The following SARDH variants were observed in gnomAD, a reference collection of about 807,000 sequenced individuals.
SARDH encodes the protein sarcosine dehydrogenase, also known as sarcosine dehydrogenase, mitochondrial.
SARDH carries 95 observed loss-of-function variants against 109.1 expected under a neutral mutation model. That is an observed-to-expected ratio of 0.87 (90% CI 0.74 to 1.03). The LOEUF is 1.03. Among genes scored for constraint, SARDH ranks in the 50% least tolerant of loss-of-function variants. SARDH has a pLI of 0.00. For synonymous variants in SARDH, 572 were observed against 534.8 expected, an observed-to-expected ratio of 1.07 and a Z score of -0.96; for missense variants, 1,267 against 1,287.8, an observed-to-expected ratio of 0.98 and a Z score of 0.25.
chr9:133,699,074 C>T (rs1263559451), intron 13 of SARDH, among the ~76,000 whole-genome samples: 3 of 152,192 alleles, frequency 2.0e-5, no homozygotes, highest in South Asian at 2.1e-4. Context: ...CAGTCGGCTG[C>T]GGTGGCTCAT....
intron 19 of SARDH, among the ~76,000 whole-genome samples, chr9:133,669,944 A>G (rs969505349): frequency 6.6e-6 from 1 of 152,122 alleles, no homozygotes; most frequent in East Asian, 1.9e-4. Context: ...CTCTTTTGAG[A>G]CCTGCATGGG....
At chr9:133,664,967 C>G (rs957121530) in intron 20 of SARDH, among the ~76,000 whole-genome samples, 1 of 152,158 alleles carries the variant, frequency 6.6e-6, no homozygotes, top group Admixed American at 6.5e-5. Context: ...TTCCCCATCT[C>G]GGAGCCTTTC....
chr9:133,687,358 C>T (rs1211652423), intron 16 of SARDH, among the ~76,000 whole-genome samples: 2 of 152,224 alleles, frequency 1.3e-5, no homozygotes, highest in African/African-American at 4.8e-5. Context: ...GCAGCCTTGA[C>T]CTCCTGGGCT....
rs189571865 is a variant in SARDH, at chr9:133,700,877, C to T, written c.1668+2039G>A. Among the ~76,000 whole-genome samples the T allele has an allele frequency of 3.3e-5, 5 of 152,306 alleles. No homozygotes were observed. The South Asian group carries it at 1.0e-3, about 32-fold the overall frequency. ...CCCCTTCAGGGCTCAACATGCCCCC[C>T]ACTGCTGAGCAGAGGTGCCCACCTC... On this transcript the variant is annotated intron_variant, in intron 13 of 20. Transcript: ENST00000439388.
rs970012320 is a variant in SARDH at position 133,708,309 on chromosome 9, A to T, written c.1448T>A (p.Met483Lys). 6.2e-7 allele frequency: 1 copy of T among 1,613,110 alleles called. No homozygotes were observed. The highest frequency in any genetic ancestry group is 8.5e-7 in the Non-Finnish European group (1 of 1,179,632). ...PHDEPLAGRN[M>K]RRDPLHEELL... ...TACCTCGTGCAGCGGGTCTCTCCTCATGTTGCGCCCGGCCAGCGGCTCATC... is the reference window on the plus strand; with the variant it reads ...TACCTCGTGCAGCGGGTCTCTCCTCTTGTTGCGCCCGGCCAGCGGCTCATC... Residue 483 changes from methionine (M) to lysine (K), a missense_variant, in exon 11 of 21, where the codon ATG becomes AAG. Coordinates refer to ENST00000439388, the MANE Select transcript of SARDH (RefSeq NM_001134707.2).
At position 133,718,961 on chromosome 9, in the gene SARDH, C is replaced by A; in HGVS notation, c.997G>T (p.Ala333Ser). ...ACCTCCTCCCAAAAGATGGGGTTGG[C>A]CTCATAGCCACCCACAGACAAGGCA... is the stretch of plus-strand genomic sequence containing the variant. ...GDALSVGGYE[A>S]NPIFWEEVSD... Residue 333 changes from alanine to serine, a missense_variant, in exon 7 of 21, where the codon GCC (alanine) becomes TCC (serine). Transcript: ENST00000439388. This position sits in a 1 kb window ranked among gnomAD's most constrained non-coding sequence, Gnocchi z 4.2. 1 of 1,614,058 alleles carries A rather than the reference C, an allele frequency of 6.2e-7. No individual in the cohort carries two copies. Among genetic ancestry groups the A allele is most frequent in the Non-Finnish European group, 8.5e-7 (1 of 1,179,950 alleles).
intron 8 of SARDH, among the ~76,000 whole-genome samples, chr9:133,716,287 C>T (rs1832119693): frequency 2.0e-5 from 3 of 152,362 alleles, no homozygotes; most frequent in South Asian, 4.1e-4. Context: ...AGCGTGCCTG[C>T]CTCCACCACC....
In SARDH at chr9:133,690,364, C is replaced by A; in HGVS notation, c.2069+16G>T. Reference sequence around the variant, plus strand: ...CAGCAGGTGCACCCAGGGGCGGGCTCCCAGTCCTCTCTCACCTGGCTGGGC... The same window carrying A: ...CAGCAGGTGCACCCAGGGGCGGGCTACCAGTCCTCTCTCACCTGGCTGGGC... On this transcript the variant is annotated intron_variant, in intron 16 of 20. Coordinates refer to ENST00000439388, the MANE Select transcript of SARDH (RefSeq NM_001134707.2). 1 of 1,601,356 alleles carries A rather than the reference C, an allele frequency of 6.2e-7. No individual in the cohort carries two copies. The highest frequency in any genetic ancestry group is 8.5e-7 in the Non-Finnish European group (1 of 1,171,588).
chr9:133,685,309 TCAGTCAG>T lies in SARDH; in HGVS notation c.2070-30_2070-24del, dbSNP rs770969732. 4 of 1,607,834 alleles carry T rather than the reference TCAGTCAG, an allele frequency of 2.5e-6. No homozygotes were observed. The Admixed American group carries it at 6.7e-5, about 27-fold the overall frequency. On this transcript the variant is annotated intron_variant, in intron 16 of 20. Transcript: ENST00000439388. The stretch of plus-strand genomic sequence containing the variant: ...CGGCTGCAGGCAAGAGCAAAGTCGC[TCAGTCAG>T]CAAGTGCTCACGGGTGGGGCCTGGG...
At chr9:133,730,250 A>G (rs2131502363) in intron 4 of SARDH, 63 bp from the exon 5 acceptor site, 1 of 1,586,952 alleles carries the variant, frequency 6.3e-7, no homozygotes, top group Admixed American at 1.7e-5. Context: ...TTCCCACCCC[A>G]CTCCAACCAA....
intron 17 of SARDH, among the ~76,000 whole-genome samples, chr9:133,676,690 A>G (rs1308097887): frequency 1.3e-5 from 2 of 152,230 alleles, no homozygotes; most frequent in East Asian, 3.8e-4. Context: ...CAGAAGGTCA[A>G]GGAGATACCA....
intron 6 of SARDH, among the ~76,000 whole-genome samples, chr9:133,723,776 A>G (rs1832402711): frequency 6.6e-6 from 1 of 152,206 alleles, no homozygotes; most frequent in African/African-American, 2.4e-5. Flanking sequence ...AAAATAAAAT[A>G]AAATAAATAA....
chr9:133,696,439 G>A (rs1218447279), intron 13 of SARDH, 78 bp from the exon 14 acceptor site: 1 of 1,591,728 alleles, frequency 6.3e-7, no homozygotes. Context: ...GGAGAACGGG[G>A]GCTGTGTCCA....
rs990574235 is a variant in SARDH at position 133,728,014 on chromosome 9, G to A, written c.915+1751C>T. ...CTGAGACCTGAGCGTGACCCCTGGC[G>A]GCCACCTAGGGGAGGAGGCTCTCCC... On this transcript the variant is annotated intron_variant, in intron 6 of 20. Transcript: ENST00000439388. This position sits in a 1 kb window ranked among gnomAD's most constrained non-coding sequence, Gnocchi z 5.0. Among the ~76,000 whole-genome samples the A allele has an allele frequency of 2.0e-5, 3 of 151,994 alleles. No homozygotes were observed. Among genetic ancestry groups the A allele is most frequent in the Non-Finnish European group, 2.9e-5 (2 of 67,990 alleles).
intron 1 of SARDH, among the ~76,000 whole-genome samples, 156 bp downstream of exon 1, chr9:133,738,098 C>G (rs1489455667): frequency 6.6e-6 from 1 of 152,266 alleles, no homozygotes; most frequent in East Asian, 1.9e-4. Flanking sequence ...GGGGAGGCAG[C>G]TGCCCATATG....
intron 12 of SARDH, chr9:133,703,321 AGGTGGTTACC>A (rs1210544038): frequency 2.2e-6 from 1 of 455,756 alleles, no homozygotes; most frequent in Non-Finnish European, 4.0e-6. Context: ...CGACAGGGAG[AGGTGGTTACC>A]CAGGACCTCA....
At chr9:133,688,969 C>T (rs129961) in intron 16 of SARDH, among the ~76,000 whole-genome samples, 1 of 152,212 alleles carries the variant, frequency 6.6e-6, no homozygotes, top group African/African-American at 2.4e-5. Context: ...CTTGGACGGA[C>T]AGCAACAGCT....
At chr9:133,735,877 C>G (rs138450441) in intron 1 of SARDH, among the ~76,000 whole-genome samples, 6,579 of 43,468 alleles carry the variant, frequency 0.15, 486 homozygotes, top group African/African-American at 0.24. Context: ...AACCCCATCT[C>G]TACTAAAAAT....
chr9:133,688,081 A>G (rs777394287), intron 16 of SARDH, among the ~76,000 whole-genome samples: 6 of 151,504 alleles, frequency 4.0e-5, no homozygotes, highest in Non-Finnish European at 5.9e-5. Flanking sequence ...AAATATCCCC[A>G]CTCCCTGTCC....
Sources: allele counts gnomAD v4.1 joint callset (sites outside exome capture counted in the v4.1 genomes callset), GRCh38; gene constraint gnomAD v4.1.1; non-coding constraint Gnocchi (gnomAD v3.1); transcripts MANE v1.5; gene names NCBI Gene and HGNC (gene_info 2026-07-23, HGNC 2026-07-21).